Variants in ZNF142 observed in about 807,000 individuals in gnomAD.
The protein encoded by ZNF142 is zinc finger protein 142.
A neutral mutation model predicts 132.1 loss-of-function variants in ZNF142; 96 were observed. That is an observed-to-expected ratio of 0.73 (90% CI 0.62 to 0.86). The LOEUF is 0.86. ZNF142 is among the 40% of genes least tolerant of loss of function. The pLI is 0.00. For missense variants in ZNF142, 2,163 were observed against 2,336.2 expected, an observed-to-expected ratio of 0.93 and a Z score of 1.53; for synonymous variants, 842 against 890.1, an observed-to-expected ratio of 0.95 and a Z score of 0.96.
At chr2:218,648,146 G>C (rs947679462) in intron 7 of ZNF142, among the ~76,000 whole-genome samples, 1 of 152,232 alleles carries the variant, frequency 6.6e-6, no homozygotes, top group Non-Finnish European at 1.5e-5. Context: ...AGACAGTTAC[G>C]AGTGCGAGTT....
chr2:218,643,079 G>A lies in ZNF142; in HGVS notation c.4037C>T (p.Ala1346Val). 3.7e-6 allele frequency: 6 copies of A among 1,606,096 alleles called. No individual in the cohort carries two copies. Among genetic ancestry groups the A allele is most frequent in the Non-Finnish European group, 4.3e-6 (5 of 1,176,022 alleles). Residue 1346 changes from alanine (A) to valine (V), a missense_variant, in exon 9 of 11, where the codon GCT becomes GTT. Ala to Val is a moderately conservative substitution (Grantham distance 64). Transcript: ENST00000411696. ...CTGGTGGAGCCTTAAGGCAGTGGCA[G>A]CAGGAGCAGTGAATGGGCAGAGGCT... ...HCSLCPFTAPAATALRLHQKR... is the reference protein window; with the variant it reads ...HCSLCPFTAPVATALRLHQKR...
At position 218,650,471 on chromosome 2, in the gene ZNF142, C is replaced by G; in HGVS notation, c.936G>C (p.Leu312Phe). The change falls in exon 6 of 11, where the codon TTG becomes TTC. Residue 312 changes from leucine (L) to phenylalanine (F), a missense_variant. Transcript: ENST00000411696. ...REPSQEAGTPLPGQETAEEEN... is the reference protein window; with the variant it reads ...REPSQEAGTPFPGQETAEEEN... Reference sequence around the variant, plus strand: ...CCTCTTCAGCTGTCTCCTGCCCAGGCAAGGGTGTACCTGCTTCCTGTGAAG... The same window carrying G: ...CCTCTTCAGCTGTCTCCTGCCCAGGGAAGGGTGTACCTGCTTCCTGTGAAG... 6.2e-7 allele frequency: 1 copy of G among 1,613,520 alleles called. No individual in the cohort carries two copies. Among genetic ancestry groups the G allele is most frequent in the South Asian group, 1.1e-5 (1 of 90,988 alleles).
At position 218,635,323 on chromosome 2, in the gene ZNF142, T is replaced by A. The variant is rs7578554; in HGVS notation, c.*3016A>T. On this transcript the variant is annotated 3_prime_UTR_variant, in exon 11 of 11. Coordinates refer to ENST00000411696, the MANE Select transcript of ZNF142 (RefSeq NM_001379659.1). The stretch of plus-strand genomic sequence containing the variant: ...CATGCCTACTTTCAAACTGTTGAAT[T>A]TCTACCTGGATCCATTTAATTTATT... Among the ~76,000 whole-genome samples the A allele has an allele frequency of 0.067, 10,148 of 152,024 alleles. 989 individuals are homozygous for A. The highest frequency in any genetic ancestry group is 0.22 in the African/African-American group (9,160 of 41,388).
chr2:218,650,185 AC>A (rs1388366893), intron 6 of ZNF142, among the ~76,000 whole-genome samples, 173 bp downstream of exon 6: 1 of 152,218 alleles, frequency 6.6e-6, no homozygotes, highest in Non-Finnish European at 1.5e-5. Flanking sequence ...TAAAGTCTTT[AC>A]CATTCACTCA....
At chr2:218,650,697 A>G (rs550974566) in intron 5 of ZNF142, among the ~76,000 whole-genome samples, 171 bp from the exon 6 acceptor site, 134 of 152,372 alleles carry the variant, frequency 8.8e-4, no homozygotes, top group African/African-American at 3.1e-3. Flanking sequence ...AGGAGGACGA[A>G]GAGCTAAGTT....
intron 5 of ZNF142, 36 bp from the exon 6 acceptor site, chr2:218,650,562 G>A (rs1156766727): frequency 6.6e-7 from 1 of 1,511,002 alleles, no homozygotes; most frequent in Admixed American, 2.2e-5. Context: ...GTCTACAGGA[G>A]CCAATAACAG....
In ZNF142 at chr2:218,644,841, C is replaced by A. The variant is rs1448641522; in HGVS notation, c.2275G>T (p.Val759Leu). ...CSYQSRHKQA[V>L]LSHENCKHTR... is the part of the protein sequence containing the mutation. ...TGCTTGCAGTTCTCATGGCTCAGCA[C>A]AGCCTGCTTGTGGCGGCTCTGGTAA... Residue 759 changes from valine (V) to leucine (L), a missense_variant, in exon 9 of 11, where the codon GTG (valine) becomes TTG (leucine). Physicochemically the swap from Val to Leu is conservative, Grantham distance 32 (BLOSUM62 1). This residue lies in a region of ZNF142 where 749 missense variants were observed against 830.3 expected (regional missense o/e 0.90). Coordinates refer to ENST00000411696, the MANE Select transcript of ZNF142 (RefSeq NM_001379659.1). This position sits in a 1 kb window ranked among gnomAD's most constrained non-coding sequence, Gnocchi z 4.6. The A allele has an allele frequency of 6.2e-7, 1 of 1,614,114 alleles. No homozygotes were observed. Among genetic ancestry groups the A allele is most frequent in the East Asian group, 2.2e-5 (1 of 44,898 alleles).
chr2:218,649,338 G>A lies in ZNF142; in HGVS notation c.1170C>T (p.Ser390=), dbSNP rs766014037. The A allele has an allele frequency of 3.0e-5, 48 of 1,614,114 alleles. 1 individual carries two copies. The South Asian group carries it at 4.9e-4, about 17-fold the overall frequency. ...EHLHLHFPDP[S]LQCPNCQKFF... ...ACTTCTGGCAGTTAGGGCACTGGAGGCTGGGGTCTGGGAAGTGGAGATGCA... is the reference window on the plus strand; with the variant it reads ...ACTTCTGGCAGTTAGGGCACTGGAGACTGGGGTCTGGGAAGTGGAGATGCA... Residue 390 remains serine, a synonymous_variant, in exon 7 of 11, where the codon AGC becomes AGT. Coordinates refer to ENST00000411696, the MANE Select transcript of ZNF142 (RefSeq NM_001379659.1).
At position 218,633,696 on chromosome 2, in the gene ZNF142, A is replaced by G; in HGVS notation, c.*4643T>C. On this transcript the variant is annotated 3_prime_UTR_variant, in exon 11 of 11. Coordinates refer to ENST00000411696, the MANE Select transcript of ZNF142 (RefSeq NM_001379659.1). Reference sequence around the variant, plus strand: ...CGCAGCTTCACACATTCAAAGGAGCACTACCACTTCTACGAGATATCATCT... The same window carrying G: ...CGCAGCTTCACACATTCAAAGGAGCGCTACCACTTCTACGAGATATCATCT... 1 of 1,613,962 alleles carries G rather than the reference A, an allele frequency of 6.2e-7. No individual in the cohort carries two copies. The highest frequency in any genetic ancestry group is 8.5e-7 in the Non-Finnish European group (1 of 1,179,860).
At chr2:218,640,146 G>A (rs1305139343) in intron 10 of ZNF142, among the ~76,000 whole-genome samples, 2 of 150,170 alleles carry the variant, frequency 1.3e-5, no homozygotes, top group South Asian at 2.1e-4. Flanking sequence ...TAAAAGCAGA[G>A]GGCCTTGAAA....
In ZNF142 at chr2:218,637,097, G is replaced by T. The variant is rs1696810041; in HGVS notation, c.*1242C>A. The stretch of plus-strand genomic sequence containing the variant: ...CAGGACTGTACTACGACTCTTAAGA[G>T]AACACTGCACAGCACTCAAAGTCCC... On this transcript the variant is annotated 3_prime_UTR_variant, in exon 11 of 11. Coordinates refer to ENST00000411696, the MANE Select transcript of ZNF142 (RefSeq NM_001379659.1). 2.8e-6 allele frequency: 1 copy of T among 360,004 alleles called. No homozygotes were observed. The highest frequency in any genetic ancestry group is 2.2e-5 in the South Asian group (1 of 46,186). The allele number at this position is 360,004 out of a possible 1,614,324, so 22.3% of individuals were successfully genotyped here.
intron 10 of ZNF142, among the ~76,000 whole-genome samples, 197 bp from the exon 11 acceptor site, chr2:218,639,005 C>CA (rs1696952293): frequency 1.3e-5 from 2 of 152,172 alleles, no homozygotes; most frequent in African/African-American, 4.8e-5. Context: ...GAGTTTCGCT[C>CA]TTGTTGCCCA....
chr2:218,643,594 C>T lies in ZNF142; in HGVS notation c.3522G>A (p.Glu1174=), dbSNP rs1697450114. The T allele has an allele frequency of 1.9e-6, 3 of 1,570,968 alleles. No individual in the cohort carries two copies. Among genetic ancestry groups the T allele is most frequent in the South Asian group, 1.2e-5 (1 of 83,830 alleles). ...GGTCAAAGCAGTGCTTCTTAGGGGC[C>T]TCTGTGGGCAAGGAGTTTCCTGCAG... is the stretch of plus-strand genomic sequence containing the variant. ...VPPAGNSLPT[E]APKKHCFDPV... is the part of the protein sequence containing the mutation. The change falls in exon 9 of 11, where the codon GAG becomes GAA. Residue 1174 remains glutamate, a synonymous_variant. Coordinates refer to ENST00000411696, the MANE Select transcript of ZNF142 (RefSeq NM_001379659.1).
Position 218,642,962 on chromosome 2 carries a change from C to G in ZNF142, c.4154G>C (p.Cys1385Ser). 3 of 1,613,546 alleles carry G rather than the reference C, an allele frequency of 1.9e-6. No homozygotes were observed. Among genetic ancestry groups the G allele is most frequent in the Non-Finnish European group, 2.5e-6 (3 of 1,179,870 alleles). ...DCGFTCKQSR[C>S]MQQHRRLKHE... Reference sequence around the variant, plus strand: ...CTTGAGCCGCCGGTGCTGCTGCATGCAACGGCTCTGTTTACAGGTGAAGCC... The same window carrying G: ...CTTGAGCCGCCGGTGCTGCTGCATGGAACGGCTCTGTTTACAGGTGAAGCC... The change falls in exon 9 of 11, where the codon TGC becomes TCC. Residue 1385 changes from cysteine (C) to serine (S), a missense_variant. By Grantham distance (112) the Cys-to-Ser change is moderately radical. Transcript: ENST00000411696. This position sits in a 1 kb window ranked among gnomAD's most constrained non-coding sequence, Gnocchi z 4.6.
Position 218,642,298 on chromosome 2 carries a change from A to T in ZNF142, c.4818T>A (p.Thr1606=), listed in dbSNP as rs1258292798. 6.2e-7 allele frequency: 1 copy of T among 1,613,904 alleles called. No individual in the cohort carries two copies. Among genetic ancestry groups the T allele is most frequent in the Non-Finnish European group, 8.5e-7 (1 of 1,180,034 alleles). Residue 1606 remains threonine (T), a synonymous_variant, in exon 9 of 11, where the codon ACT becomes ACA. Transcript: ENST00000411696. The surrounding 1 kb of genome is among the most constrained non-coding windows in gnomAD (Gnocchi z 4.6). ...VKHYLEQHEE[T]SAAVAASDGD... Reference sequence around the variant, plus strand: ...CATCTGAGGCTGCCACGGCTGCTGAAGTCTCCTCATGCTGTTCCAGGTAGT... The same window carrying T: ...CATCTGAGGCTGCCACGGCTGCTGATGTCTCCTCATGCTGTTCCAGGTAGT...
Position 218,636,795 on chromosome 2 carries a change from G to A in ZNF142, c.*1544C>T, listed in dbSNP as rs1216707946. On this transcript the variant is annotated 3_prime_UTR_variant, in exon 11 of 11. Coordinates refer to ENST00000411696, the MANE Select transcript of ZNF142 (RefSeq NM_001379659.1). Reference sequence around the variant, plus strand: ...CTTCCTTTGTTTTCATAAGCCTTTGGTATCTTTCCTGCCCTTTTCCTTTGT... The same window carrying A: ...CTTCCTTTGTTTTCATAAGCCTTTGATATCTTTCCTGCCCTTTTCCTTTGT... 3 of 623,916 alleles carry A rather than the reference G, an allele frequency of 4.8e-6. No individual in the cohort carries two copies. The highest frequency in any genetic ancestry group is 8.7e-6 in the Non-Finnish European group (3 of 343,898). 38.6% of individuals were successfully genotyped at this position (623,916 alleles called of 1,614,324 possible).
chr2:218,642,337 C>T lies in ZNF142; in HGVS notation c.4779G>A (p.Val1593=), dbSNP rs773204968. ...GTTCCAGGTAGTGCTTTACCAGGCCCACCCGCTCCCGGGCAGCAAAGTCAC... is the reference window on the plus strand; with the variant it reads ...GTTCCAGGTAGTGCTTTACCAGGCCTACCCGCTCCCGGGCAGCAAAGTCAC... ...QLCDFAARER[V]GLVKHYLEQH... is the part of the protein sequence containing the mutation. Residue 1593 remains valine, a synonymous_variant, in exon 9 of 11, where the codon GTG becomes GTA. Coordinates refer to ENST00000411696, the MANE Select transcript of ZNF142 (RefSeq NM_001379659.1). The surrounding 1 kb of genome is among the most constrained non-coding windows in gnomAD (Gnocchi z 4.6). The T allele has an allele frequency of 1.5e-5, 24 of 1,613,558 alleles. No individual in the cohort carries two copies. In the East Asian group the frequency reaches 5.3e-4, roughly 36 times the overall value.
At position 218,640,627 on chromosome 2, in the gene ZNF142, G is replaced by A. The variant is rs1232317753; in HGVS notation, c.5194+37C>T. The A allele has an allele frequency of 2.5e-6, 4 of 1,595,192 alleles. No homozygotes were observed. The Admixed American group carries it at 6.7e-5, about 27-fold the overall frequency. On this transcript the variant is annotated intron_variant, in intron 10 of 10. Transcript: ENST00000411696. ...AAGGTTAGGTTTGCCAGGGAACAAA[G>A]GAACCCTTCAGGCCTGTCGAAACCA...
chr2:218,655,762 G>C (rs1470639796), intron 4 of ZNF142, among the ~76,000 whole-genome samples: 2 of 152,222 alleles, frequency 1.3e-5, no homozygotes, highest in African/African-American at 4.8e-5. Flanking sequence ...GCCAAGCCCA[G>C]GGTGGTAGAG....
Sources: gnomAD v4.1 joint callset for allele counts (sites outside exome capture counted in the v4.1 genomes callset) on GRCh38, gnomAD v4.1.1 for gene constraint, gnomAD v4.1.1 regional missense constraint, Gnocchi (gnomAD v3.1) non-coding constraint, MANE v1.5 for transcripts, NCBI Gene and HGNC (gene_info 2026-07-23, HGNC 2026-07-21) for gene names.